Variants in WDFY4 observed in about 807,000 individuals in gnomAD.
WDFY4 encodes WD repeat- and FYVE domain-containing protein 4.
In WDFY4, 169 loss-of-function variants were observed where a neutral mutation model predicts 351.9. The observed-to-expected ratio is 0.48, with a 90% confidence interval of 0.42 to 0.55. The LOEUF (loss-of-function observed/expected upper bound fraction) is 0.55. Among genes scored for constraint, WDFY4 ranks in the 20% least tolerant of loss-of-function variants. The pLI is 0.00. For missense variants in WDFY4, 3,803 were observed against 3,935.6 expected, an observed-to-expected ratio of 0.97 and a Z score of 0.90; for synonymous variants, 1,622 against 1,574.6, an observed-to-expected ratio of 1.03 and a Z score of -0.71.
chr10:48,803,654 A>G lies in WDFY4; in HGVS notation c.4484+295A>G, dbSNP rs137869273. 2.6e-5 allele frequency among the ~76,000 whole-genome samples: 4 copies of G among 152,342 alleles called. No homozygotes were observed. In the East Asian group the frequency reaches 7.7e-4, roughly 29 times the overall value. ...ACTCTCCCTCTAACTGACTTCTCCA[A>G]GGCACTTTTGGAATTAGTCAGGGCT... On this transcript the variant is annotated intron_variant, in intron 25 of 61. Coordinates refer to ENST00000325239, the MANE Select transcript of WDFY4 (RefSeq NM_001394531.1).
At chr10:48,941,271 T>C (rs1190978362) in intron 47 of WDFY4, among the ~76,000 whole-genome samples, 1 of 152,084 alleles carries the variant, frequency 6.6e-6, no homozygotes, top group African/African-American at 2.4e-5. Context: ...ATGATTGAAG[T>C]TTTTTAGAAA....
chr10:48,697,095 G>A (rs2063350733), intron 1 of WDFY4, among the ~76,000 whole-genome samples: 1 of 152,198 alleles, frequency 6.6e-6, no homozygotes, highest in Non-Finnish European at 1.5e-5. Context: ...GTCAAGGCCA[G>A]AGGTTGTCAC....
At chr10:48,805,940 C>G (rs1281740423) in intron 26 of WDFY4, 64 bp from the exon 27 acceptor site, 1 of 1,400,536 alleles carries the variant, frequency 7.1e-7, no homozygotes, top group Admixed American at 2.0e-5. Flanking sequence ...AAAACACTGG[C>G]ATGTACTCAG....
chr10:48,691,027 T>G (rs2063180145), intron 1 of WDFY4, among the ~76,000 whole-genome samples: 1 of 152,130 alleles, frequency 6.6e-6, no homozygotes. Context: ...CCCTGGCTGT[T>G]CATGCCAAGG....
intron 1 of WDFY4, among the ~76,000 whole-genome samples, chr10:48,705,346 AG>A (rs1743847123): frequency 6.6e-6 from 1 of 152,100 alleles, no homozygotes; most frequent in Admixed American, 6.5e-5. Flanking sequence ...TCTTGTGAGG[AG>A]GTGAGTGCCT....
Position 48,976,950 on chromosome 10 carries a change from A to G in WDFY4, c.9262A>G (p.Ile3088Val). Residue 3088 changes from isoleucine (I) to valine (V), a missense_variant, in exon 59 of 62, where the codon ATC (isoleucine) becomes GTC (valine). Physicochemically the swap from Ile to Val is conservative, Grantham distance 29. Transcript: ENST00000325239. ...AGCATGGGACACAAGCCAGATCATC[A>G]TCACCGGGAGTCAAGACGGCATGGT... ...GPAWDTSQII[I>V]TGSQDGMVRV... 1 of 1,498,948 alleles carries G rather than the reference A, an allele frequency of 6.7e-7. No individual in the cohort carries two copies. Among genetic ancestry groups the G allele is most frequent in the Non-Finnish European group, 8.9e-7 (1 of 1,117,838 alleles). The allele number at this position is 1,498,948 out of a possible 1,614,324, so 92.9% of individuals were successfully genotyped here.
At chr10:48,889,186 C>T (rs929007596) in intron 43 of WDFY4, among the ~76,000 whole-genome samples, 2 of 152,226 alleles carry the variant, frequency 1.3e-5, no homozygotes, top group African/African-American at 2.4e-5. Flanking sequence ...CCTTCACCAA[C>T]CTTGTTTACA....
intron 33 of WDFY4, 41 bp downstream of exon 33, chr10:48,820,478 G>A: frequency 6.5e-7 from 1 of 1,538,960 alleles, no homozygotes; most frequent in Non-Finnish European, 8.8e-7. Flanking sequence ...TGCTGTGGAG[G>A]CTGCCGGCAT....
chr10:48,795,508 T>TATATATATATATATAC (rs1483518711), intron 23 of WDFY4, among the ~76,000 whole-genome samples: 1 of 102,478 alleles, frequency 9.8e-6, no homozygotes, highest in Non-Finnish European at 1.9e-5. Context: ...TATATATATA[T>TATATATATATATATAC]ATATATATAT....
chr10:48,773,716 C>T (rs893637537), intron 13 of WDFY4, among the ~76,000 whole-genome samples: 10 of 152,226 alleles, frequency 6.6e-5, no homozygotes, highest in Admixed American at 6.5e-4. Context: ...AGATGGCACC[C>T]AGGGGATGAG....
In WDFY4 at chr10:48,775,789, G is replaced by A. The variant is rs2066012898; in HGVS notation, c.2846G>A (p.Gly949Asp). 6.4e-7 allele frequency: 1 copy of A among 1,551,722 alleles called. No individual in the cohort carries two copies. The highest frequency in any genetic ancestry group is 8.7e-7 in the Non-Finnish European group (1 of 1,146,986). Reference sequence around the variant, plus strand: ...CTTGATTCATCTCACACACACAGAGGCAACCCTGGGTGCTCAGGTGAGGAC... The same window carrying A: ...CTTGATTCATCTCACACACACAGAGACAACCCTGGGTGCTCAGGTGAGGAC... ...KILDSSHTHR[G>D]NPGCSGSQTA... The change falls in exon 15 of 62, where the codon GGC becomes GAC. Residue 949 changes from glycine to aspartate, a missense_variant. Around this residue, in one of 3 missense-constraint regions of WDFY4, gnomAD observed 3,054 missense variants for 3,148.6 expected, o/e 0.97. Coordinates refer to ENST00000325239, the MANE Select transcript of WDFY4 (RefSeq NM_001394531.1).
intron 59 of WDFY4, among the ~76,000 whole-genome samples, chr10:48,977,485 C>T (rs144774112): frequency 6.6e-6 from 1 of 152,084 alleles, no homozygotes; most frequent in Non-Finnish European, 1.5e-5. Flanking sequence ...CTCCATGTAT[C>T]CATCCATCCA....
chr10:48,748,248 T>A (rs374369747), intron 12 of WDFY4, among the ~76,000 whole-genome samples: 26 of 152,284 alleles, frequency 1.7e-4, no homozygotes, highest in African/African-American at 5.8e-4. Flanking sequence ...GCAATAGTAA[T>A]TAGTTGAATG....
chr10:48,966,740 T>G (rs1842101386), intron 55 of WDFY4, 67 bp downstream of exon 55: 1 of 1,511,950 alleles, frequency 6.6e-7, no homozygotes, highest in African/African-American at 1.4e-5. Context: ...GCTGGGTTCC[T>G]CTGGAGGTCC....
At chr10:48,775,836 T>G (rs2066014831) in intron 15 of WDFY4, 30 bp downstream of exon 15, 3 of 1,528,472 alleles carry the variant, frequency 2.0e-6, no homozygotes, top group Non-Finnish European at 2.7e-6. Flanking sequence ...CGGGGCAGGT[T>G]AATGGGAAGT....
chr10:48,762,198 C>T (rs1385073826), intron 13 of WDFY4, among the ~76,000 whole-genome samples: 1 of 152,218 alleles, frequency 6.6e-6, no homozygotes, highest in Admixed American at 6.5e-5. Flanking sequence ...AAAAATATTG[C>T]AAGTCCTCTG....
At chr10:48,741,316 C>A (rs2064841648) in intron 11 of WDFY4, among the ~76,000 whole-genome samples, 1 of 151,898 alleles carries the variant, frequency 6.6e-6, no homozygotes, top group Non-Finnish European at 1.5e-5. Flanking sequence ...GGTTAGGGTG[C>A]CAGCATTTAA....
Position 48,970,243 on chromosome 10 carries a change from A to T in WDFY4, c.8882A>T (p.Glu2961Val). 1 of 1,551,618 alleles carries T rather than the reference A, an allele frequency of 6.4e-7. No individual in the cohort carries two copies. Among genetic ancestry groups the T allele is most frequent in the Non-Finnish European group, 8.7e-7 (1 of 1,146,990 alleles). The change falls in exon 57 of 62, where the codon GAG (glutamate) becomes GTG (valine). Residue 2961 changes from glutamate (E) to valine (V), a missense_variant. By Grantham distance (121) the Glu-to-Val change is moderately radical. Around this residue, in one of 3 missense-constraint regions of WDFY4, gnomAD observed 3,054 missense variants for 3,148.6 expected, o/e 0.97. Transcript: ENST00000325239. The part of the protein sequence containing the change: ...SGTSTVVCVW[E>V]LSMTKGRPRG... ...ACCAGCACTGTGGTGTGTGTGTGGG[A>T]GCTCAGCATGACCAAAGGCCGCCCG...
chr10:48,755,711 T>C (rs2132492445), intron 12 of WDFY4, among the ~76,000 whole-genome samples: 1 of 152,300 alleles, frequency 6.6e-6, no homozygotes, highest in Middle Eastern at 3.4e-3. Flanking sequence ...TTTCATTGAC[T>C]TATGTGTCTA....
Sources: allele counts gnomAD v4.1 joint callset (sites outside exome capture counted in the v4.1 genomes callset), GRCh38; gene constraint gnomAD v4.1.1; regional missense constraint gnomAD v4.1.1; transcripts MANE v1.5; gene names NCBI Gene and HGNC (gene_info 2026-07-23, HGNC 2026-07-21).